Variants in SLC39A11 observed in about 807,000 individuals in gnomAD.
SLC39A11 encodes the protein zinc transporter ZIP11.
A neutral mutation model predicts 36.1 loss-of-function variants in SLC39A11; 33 were observed. The ratio of observed to expected loss-of-function variants is 0.91; its 90% CI spans 0.69 to 1.22. The LOEUF (loss-of-function observed/expected upper bound fraction) is 1.22, where lower values mean the gene tolerates loss of function less well. Ranked by LOEUF, SLC39A11 falls within the 50% of genes most tolerant of loss-of-function variation. SLC39A11 has a pLI of 0.00. For synonymous variants in SLC39A11, 166 were observed against 170.3 expected (o/e 0.97, Z 0.20); for missense variants, 432 against 430.3 (o/e 1.00, Z -0.03).
chr17:72,827,776 G>T (rs1446742723), intron 6 of SLC39A11, among the ~76,000 whole-genome samples: 7 of 152,200 alleles, frequency 4.6e-5, no homozygotes, highest in Admixed American at 4.6e-4. Context: ...TGGAGACTGG[G>T]GAAGTTAGCA....
chr17:72,833,446 C>G (rs986326465), intron 6 of SLC39A11, among the ~76,000 whole-genome samples: 7 of 152,216 alleles, frequency 4.6e-5, no homozygotes, highest in African/African-American at 1.7e-4. Flanking sequence ...CGATCAATGT[C>G]TGTCATTCCC....
intron 5 of SLC39A11, among the ~76,000 whole-genome samples, chr17:72,941,119 A>C (rs1425273190): frequency 6.6e-6 from 1 of 152,192 alleles, no homozygotes; most frequent in African/African-American, 2.4e-5. Context: ...AAAAAAATAC[A>C]AAAATTAGCC....
intron 6 of SLC39A11, among the ~76,000 whole-genome samples, chr17:72,810,750 A>G (rs906873196): frequency 1.3e-5 from 2 of 151,856 alleles, no homozygotes; most frequent in Admixed American, 1.3e-4. Flanking sequence ...CAGTGGCATG[A>G]TCTTGGCTCA....
chr17:72,720,575 A>T (rs2073619580), intron 7 of SLC39A11, among the ~76,000 whole-genome samples: 1 of 152,278 alleles, frequency 6.6e-6, no homozygotes, highest in South Asian at 2.1e-4. Context: ...TGGGCTGGCC[A>T]TCTAGCTGTA....
At chr17:72,829,237 A>T (rs1244515805) in intron 6 of SLC39A11, among the ~76,000 whole-genome samples, 1 of 151,698 alleles carries the variant, frequency 6.6e-6, no homozygotes, top group African/African-American at 2.4e-5. Context: ...GGTCCCAGCT[A>T]CTCAGGAAGC....
chr17:73,057,413 T>C (rs572010160), intron 3 of SLC39A11, among the ~76,000 whole-genome samples: 22 of 152,386 alleles, frequency 1.4e-4, no homozygotes, highest in African/African-American at 5.3e-4. Flanking sequence ...CTGACAATTC[T>C]GACCGCACCT....
Position 73,051,557 on chromosome 17 carries a change from G to A in SLC39A11, c.148-19843C>T, listed in dbSNP as rs2059499690. Reference sequence around the variant, plus strand: ...GGTGAGGATGGAATAGGAAGTGAGGGGGAGCCGTCAAGAGTTCAGGCCAGT... The same window carrying A: ...GGTGAGGATGGAATAGGAAGTGAGGAGGAGCCGTCAAGAGTTCAGGCCAGT... On this transcript the variant is annotated intron_variant, in intron 3 of 9. Transcript: ENST00000255559. 2.0e-5 allele frequency among the ~76,000 whole-genome samples: 3 copies of A among 150,938 alleles called. No individual in the cohort carries two copies. The South Asian group carries it at 6.3e-4, about 32-fold the overall frequency.
chr17:72,810,236 A>G (rs1358972692), intron 6 of SLC39A11, among the ~76,000 whole-genome samples: 2 of 152,170 alleles, frequency 1.3e-5, no homozygotes, highest in African/African-American at 4.8e-5. Flanking sequence ...TGACCCAACA[A>G]TTCTACCCCT....
At chr17:72,774,534 T>C (rs543945728) in intron 6 of SLC39A11, among the ~76,000 whole-genome samples, 1 of 152,284 alleles carries the variant, frequency 6.6e-6, no homozygotes, top group East Asian at 1.9e-4. Context: ...TGGAATAACC[T>C]GAGCCCAACA....
At chr17:73,059,015 T>C (rs1174725144) in intron 3 of SLC39A11, among the ~76,000 whole-genome samples, 2 of 152,162 alleles carry the variant, frequency 1.3e-5, no homozygotes, top group African/African-American at 4.8e-5. Flanking sequence ...ATAAATGAAT[T>C]TGTCATTGTT....
intron 4 of SLC39A11, among the ~76,000 whole-genome samples, chr17:72,954,636 C>T (rs913880572): frequency 6.6e-6 from 1 of 152,170 alleles, no homozygotes; most frequent in Non-Finnish European, 1.5e-5. Context: ...TGAGAAGTTG[C>T]CATAATAATG....
chr17:72,729,443 ATATATATATATAT>A (rs2074109547), intron 7 of SLC39A11, among the ~76,000 whole-genome samples: 1 of 2,308 alleles, frequency 4.3e-4, no homozygotes, highest in Non-Finnish European at 8.2e-4. Context: ...ATATATATAT[ATATATATATATAT>A]ATTTTTTTTT....
intron 5 of SLC39A11, 42 bp from the exon 6 acceptor site, chr17:72,849,846 G>A (rs1224812638): frequency 1.8e-5 from 26 of 1,484,544 alleles, no homozygotes; most frequent in Admixed American, 1.4e-4. Flanking sequence ...GAAAGACAGC[G>A]CTTTGAACAT....
At chr17:73,088,605 C>T in intron 2 of SLC39A11, 52 bp downstream of exon 2, 1 of 1,457,404 alleles carries the variant, frequency 6.9e-7, no homozygotes, top group Non-Finnish European at 9.5e-7. Context: ...GACAGTGCCC[C>T]TTTACCAACG....
chr17:72,839,420 G>A (rs985439277), intron 6 of SLC39A11: 2 of 152,190 alleles, frequency 1.3e-5, no homozygotes, highest in Non-Finnish European at 2.9e-5. Context: ...TAAAAAGGCA[G>A]AGGGAGATTT....
chr17:72,753,874 G>A (rs1490972255), intron 6 of SLC39A11, among the ~76,000 whole-genome samples: 1 of 103,048 alleles, frequency 9.7e-6, no homozygotes, highest in African/African-American at 4.4e-5. Flanking sequence ...TCTACCCATA[G>A]GAAAAGTCAT....
intron 4 of SLC39A11, among the ~76,000 whole-genome samples, chr17:72,955,990 C>T (rs2086229668): frequency 1.3e-5 from 2 of 152,098 alleles, no homozygotes; most frequent in African/African-American, 4.8e-5. Context: ...CGGGTAGATA[C>T]CTATCCTATG....
intron 9 of SLC39A11, among the ~76,000 whole-genome samples, chr17:72,648,199 G>A (rs192587307): frequency 4.2e-4 from 63 of 151,794 alleles, no homozygotes; most frequent in South Asian, 6.3e-4. Flanking sequence ...GCGTAGTGGT[G>A]GTTGCCTGTA....
chr17:72,904,058 G>A (rs531084785), intron 5 of SLC39A11, among the ~76,000 whole-genome samples: 40 of 152,300 alleles, frequency 2.6e-4, no homozygotes, highest in South Asian at 1.9e-3. Context: ...ACACAGCTAG[G>A]GCCTCCTTCC....
Sources: allele counts gnomAD v4.1 joint callset (sites outside exome capture counted in the v4.1 genomes callset), GRCh38; gene constraint gnomAD v4.1.1; transcripts MANE v1.5; gene names NCBI Gene and HGNC (gene_info 2026-07-23, HGNC 2026-07-21).